Variants in ABI2 observed in about 807,000 individuals in gnomAD.
ABI2 encodes abl interactor 2, also known as abelson interactor 2.
In ABI2, 25 loss-of-function variants were observed where a neutral mutation model predicts 59.2. That is an observed-to-expected ratio of 0.42 (90% confidence interval 0.31 to 0.59). The LOEUF is 0.59. Ranked by LOEUF, ABI2 falls within the 20% of genes least tolerant of loss-of-function variation. The probability of loss-of-function intolerance (pLI) is 0.14; values close to 1 mark genes in which losing one functional copy is unlikely to be tolerated. For synonymous variants in ABI2, 213 were observed against 235.5 expected (o/e 0.90, Z 0.87); for missense variants, 545 against 681.8 (o/e 0.80, Z 2.23).
chr2:203,383,266 G>A (rs1426439068), intron 4 of ABI2: 2 of 154,750 alleles, frequency 1.3e-5, no homozygotes, highest in Non-Finnish European at 2.9e-5. Context: ...GAAGAGCCCA[G>A]GCATATGGAC....
intron 4 of ABI2, among the ~76,000 whole-genome samples, chr2:203,384,621 A>G (rs2096380533): frequency 1.3e-5 from 2 of 150,902 alleles, no homozygotes; most frequent in Admixed American, 1.3e-4. Context: ...GTACTCTTTT[A>G]GTAGTAAAAA....
intron 1 of ABI2, among the ~76,000 whole-genome samples, chr2:203,330,703 A>G (rs2072679009): frequency 1.3e-5 from 2 of 152,190 alleles, no homozygotes; most frequent in South Asian, 4.1e-4. Flanking sequence ...CAGAAGAGAA[A>G]CTGAGGGTGG....
chr2:203,350,862 TTGTGTGTG>T (rs200198424), intron 1 of ABI2, among the ~76,000 whole-genome samples: 16 of 137,916 alleles, frequency 1.2e-4, no homozygotes, highest in Non-Finnish European at 7.9e-5. Context: ...GTTGTGTGTT[TTGTGTGTG>T]TGTGTGTGTG....
chr2:203,355,659 G>A (rs754345879), intron 1 of ABI2, among the ~76,000 whole-genome samples: 19 of 151,184 alleles, frequency 1.3e-4, no homozygotes, highest in East Asian at 7.7e-4. Flanking sequence ...GAGAAACCCC[G>A]TCTTTACTAA....
intron 1 of ABI2, among the ~76,000 whole-genome samples, chr2:203,341,186 A>G (rs1484602914): frequency 6.6e-6 from 1 of 152,068 alleles, no homozygotes; most frequent in Non-Finnish European, 1.5e-5. Context: ...CTTTGCTTAT[A>G]CTTATCCTTC....
chr2:203,424,081 C>CG (rs2098335550), intron 11 of ABI2, among the ~76,000 whole-genome samples: 1 of 152,250 alleles, frequency 6.6e-6, no homozygotes, highest in Non-Finnish European at 1.5e-5. Flanking sequence ...TGATACTATG[C>CG]GTGATATACA....
At position 203,428,607 on chromosome 2, in the gene ABI2, A is replaced by G. The variant is rs1259149789; in HGVS notation, c.*1255A>G. ...TGATAAAAATTAATATAACTGACAC[A>G]ATAAAACACATTTCCCCCATCTGTA... is the stretch of plus-strand genomic sequence containing the variant. On this transcript the variant is annotated 3_prime_UTR_variant, in exon 12 of 12. Transcript: ENST00000261018. The G allele has an allele frequency of 6.6e-6, 1 of 152,496 alleles. No homozygotes were observed. The highest frequency in any genetic ancestry group is 1.5e-5 in the Non-Finnish European group (1 of 68,040). 9.4% of individuals were successfully genotyped at this position (152,496 alleles called of 1,614,324 possible).
intron 11 of ABI2, among the ~76,000 whole-genome samples, chr2:203,424,843 T>C (rs147499049): frequency 4.6e-5 from 7 of 152,314 alleles, no homozygotes; most frequent in African/African-American, 1.7e-4. Flanking sequence ...TCTGGAATCA[T>C]GTTAAGTGTA....
At chr2:203,402,431 A>G in intron 8 of ABI2, 145 bp from the exon 9 acceptor site, 1 of 562,496 alleles carries the variant, frequency 1.8e-6, no homozygotes, top group East Asian at 3.5e-5. Context: ...AGCGAACAAT[A>G]ACTCACCTTG....
At chr2:203,420,529 G>C (rs2098150645) in intron 11 of ABI2, among the ~76,000 whole-genome samples, 1 of 152,012 alleles carries the variant, frequency 6.6e-6, no homozygotes, top group Non-Finnish European at 1.5e-5. Flanking sequence ...GAGTAGGTGG[G>C]ACTACAGGCA....
intron 5 of ABI2, among the ~76,000 whole-genome samples, chr2:203,392,977 T>TTA (rs1553585285): frequency 9.2e-5 from 14 of 151,500 alleles, no homozygotes; most frequent in African/African-American, 1.2e-4. Context: ...CTTTTTTTTT[T>TTA]AAAAAAAATC....
intron 2 of ABI2, among the ~76,000 whole-genome samples, chr2:203,368,665 A>G (rs530322803): frequency 3.9e-5 from 6 of 152,138 alleles, no homozygotes; most frequent in Non-Finnish European, 7.4e-5. Flanking sequence ...ATTTTATACA[A>G]ACTTCTGCAG....
At chr2:203,366,843 G>C in intron 1 of ABI2, 34 bp from the exon 2 acceptor site, 1 of 1,503,654 alleles carries the variant, frequency 6.7e-7, no homozygotes, top group Non-Finnish European at 8.9e-7. Flanking sequence ...GGTTATTTTT[G>C]AATTAATGAT....
chr2:203,331,348 C>CATTTTTTTTT (rs545473960), intron 1 of ABI2, among the ~76,000 whole-genome samples: 1 of 85,300 alleles, frequency 1.2e-5, no homozygotes, highest in Non-Finnish European at 2.1e-5. Context: ...TCAATTTAGC[C>CATTTTTTTTT]TTTTTTTTTT....
At chr2:203,395,485 A>G (rs13032873) in intron 6 of ABI2, among the ~76,000 whole-genome samples, 171 bp from the exon 7 acceptor site, 3 of 146,098 alleles carry the variant, frequency 2.1e-5, no homozygotes, top group African/African-American at 7.6e-5. Context: ...ACACACACAC[A>G]TTTTTTTTTA....
intron 1 of ABI2, among the ~76,000 whole-genome samples, chr2:203,355,612 C>T (rs1445224002): frequency 5.9e-5 from 9 of 151,726 alleles, no homozygotes; most frequent in African/African-American, 2.2e-4. Flanking sequence ...GGCGGATCAC[C>T]TGAGGTCTGG....
In ABI2 at chr2:203,410,958, A is replaced by AAT. The variant is rs556672840; in HGVS notation, c.1193-317_1193-316dup. Among the ~76,000 whole-genome samples, 124 of 150,646 alleles carry AAT rather than the reference A, an allele frequency of 8.2e-4. 1 individual carries two copies. Among genetic ancestry groups the AAT allele is most frequent in the Middle Eastern group, 3.5e-3 (1 of 284 alleles). ...ATATGAAAAAAGATCAATTATATAT[A>AAT]ATATATATATAAAACATGATTGTTA... On this transcript the variant is annotated intron_variant, in intron 9 of 11. Transcript: ENST00000261018.
chr2:203,395,969 T>C (rs1346192833), intron 7 of ABI2, among the ~76,000 whole-genome samples, 189 bp downstream of exon 7: 1 of 152,234 alleles, frequency 6.6e-6, no homozygotes, highest in Non-Finnish European at 1.5e-5. Flanking sequence ...TGCACTTCTC[T>C]TTATGCCTTT....
At chr2:203,407,661 A>G (rs927042332) in intron 9 of ABI2, among the ~76,000 whole-genome samples, 2 of 152,188 alleles carry the variant, frequency 1.3e-5, no homozygotes, top group African/African-American at 2.4e-5. Flanking sequence ...ACATTCTTGT[A>G]TATTGTGAAA....
Sources: gnomAD v4.1 joint callset for allele counts (sites outside exome capture counted in the v4.1 genomes callset) on GRCh38, gnomAD v4.1.1 for gene constraint, MANE v1.5 for transcripts, NCBI Gene and HGNC (gene_info 2026-07-23, HGNC 2026-07-21) for gene names.